GALNT13: variants seen among roughly 807,000 people sequenced by gnomAD.
GALNT13 encodes UDP-GalNAc:polypeptide N-acetylgalactosaminyltransferase 13.
A neutral mutation model predicts 64.2 loss-of-function variants in GALNT13; 28 were observed. That is an observed-to-expected ratio of 0.44 (90% CI 0.32 to 0.60). The LOEUF is 0.60. Ranked by LOEUF, GALNT13 falls within the 20% of genes least tolerant of loss-of-function variation. GALNT13 has a pLI of 0.05. For synonymous variants in GALNT13, 214 were observed against 224.6 expected (o/e 0.95, Z 0.42); for missense variants, 577 against 669.8 (o/e 0.86, Z 1.53).
At chr2:153,203,897 A>G in the GALNT13 span, among the ~76,000 whole-genome samples, 2 of 152,224 alleles carry the variant, frequency 1.3e-5, no homozygotes, top group Non-Finnish European at 2.9e-5. Context: ...ACACACGCAT[A>G]CACTAAATAT....
At chr2:153,147,175 C>G in the GALNT13 span, among the ~76,000 whole-genome samples, 1 of 151,522 alleles carries the variant, frequency 6.6e-6, no homozygotes, top group Non-Finnish European at 1.5e-5. Context: ...AGAGTTGATA[C>G]ATTATATGGG....
chr2:153,696,935 A>C, the GALNT13 span, among the ~76,000 whole-genome samples: 2 of 152,224 alleles, frequency 1.3e-5, no homozygotes, highest in African/African-American at 2.4e-5. Flanking sequence ...ACATTTTGCC[A>C]AGAAAATACA....
At chr2:153,913,867 G>A (rs1010739226) in intron 2 of GALNT13, among the ~76,000 whole-genome samples, 1 of 152,096 alleles carries the variant, frequency 6.6e-6, no homozygotes, top group African/African-American at 2.4e-5. Flanking sequence ...TGATGTTCTG[G>A]TCCCTTGGAG....
At chr2:153,265,440 C>G in the GALNT13 span, among the ~76,000 whole-genome samples, 26 of 152,304 alleles carry the variant, frequency 1.7e-4, no homozygotes, top group Non-Finnish European at 3.5e-4. Flanking sequence ...TTGCTTTCTA[C>G]TGTGACAGGG....
chr2:153,070,597 C>A, the GALNT13 span, among the ~76,000 whole-genome samples: 3 of 152,028 alleles, frequency 2.0e-5, no homozygotes, highest in Non-Finnish European at 4.4e-5. Flanking sequence ...TATACTTTCT[C>A]CTCGATTTTT....
intron 3 of GALNT13, among the ~76,000 whole-genome samples, chr2:154,029,685 A>G (rs1352287727): frequency 6.6e-6 from 1 of 152,194 alleles, no homozygotes; most frequent in Non-Finnish European, 1.5e-5. Flanking sequence ...CAAGAAAAAA[A>G]TGGGCACACT....
At chr2:154,020,642 T>C (rs75568855) in intron 3 of GALNT13, among the ~76,000 whole-genome samples, 48,423 of 150,254 alleles carry the variant, frequency 0.32, 7,935 homozygotes, top group Middle Eastern at 0.46. Context: ...TTCTCCCATT[T>C]TGTAGGTTGC....
At chr2:153,882,469 C>G (rs560343587) in intron 1 of GALNT13, among the ~76,000 whole-genome samples, 17 of 152,186 alleles carry the variant, frequency 1.1e-4, no homozygotes, top group African/African-American at 3.9e-4. Flanking sequence ...GCAAGGGCAA[C>G]TAAGGATGGG....
intron 2 of GALNT13, among the ~76,000 whole-genome samples, chr2:153,933,721 T>G (rs1172102935): frequency 6.6e-6 from 1 of 152,160 alleles, no homozygotes; most frequent in Non-Finnish European, 1.5e-5. Flanking sequence ...TTGTTTGTTT[T>G]TTTGGTGGCC....
At chr2:153,680,512 A>C in the GALNT13 span, among the ~76,000 whole-genome samples, 1 of 151,922 alleles carries the variant, frequency 6.6e-6, no homozygotes, top group Non-Finnish European at 1.5e-5. Context: ...GTGATAAGAT[A>C]CAGAAATTAT....
At position 154,082,527 on chromosome 2, in the gene GALNT13, G is replaced by GT. The variant is rs199664315; in HGVS notation, c.143-57809dup. 3.6e-3 allele frequency among the ~76,000 whole-genome samples: 551 copies of GT among 151,790 alleles called. 4 individuals carry two copies. The highest frequency in any genetic ancestry group is 0.013 in the African/African-American group (521 of 41,494). Reference sequence around the variant, plus strand: ...TCTATTGTGATGAATATTATGAAATGTAACTGTTTCTTCACTGAAAGGAAC... The same window carrying GT: ...TCTATTGTGATGAATATTATGAAATGTTAACTGTTTCTTCACTGAAAGGAAC... On this transcript the variant is annotated intron_variant, in intron 3 of 12. Coordinates refer to ENST00000392825, the MANE Select transcript of GALNT13 (RefSeq NM_052917.4).
the GALNT13 span, among the ~76,000 whole-genome samples, chr2:153,327,534 C>T: frequency 6.6e-6 from 1 of 151,734 alleles, no homozygotes; most frequent in African/African-American, 2.4e-5. Context: ...CACTTTATTT[C>T]ATAAAGTTGA....
intron 3 of GALNT13, among the ~76,000 whole-genome samples, chr2:154,014,380 G>A (rs7569829): frequency 0.76 from 115,434 of 151,570 alleles, 44,361 homozygotes; most frequent in East Asian, 0.96. Context: ...CCCTTCCCCA[G>A]TATTCACTGG....
chr2:154,146,907 C>T (rs1319798841), intron 4 of GALNT13, among the ~76,000 whole-genome samples: 1 of 152,066 alleles, frequency 6.6e-6, no homozygotes, highest in Non-Finnish European at 1.5e-5. Flanking sequence ...AGTGTCACTA[C>T]TTGTTTGGGT....
Position 154,179,472 on chromosome 2 carries a change from C to T in GALNT13, c.311+38967C>T, listed in dbSNP as rs72869224. 6.7e-3 allele frequency among the ~76,000 whole-genome samples: 1,015 copies of T among 152,158 alleles called. 5 individuals are homozygous for T. Among genetic ancestry groups the T allele is most frequent in the Middle Eastern group, 0.027 (8 of 294 alleles). On this transcript the variant is annotated intron_variant, in intron 4 of 12. Coordinates refer to ENST00000392825, the MANE Select transcript of GALNT13 (RefSeq NM_052917.4). ...TTAACTTCCTGTTGATTCTCTCATA[C>T]TCATTTTAAAATTAAAAGTATATAC...
chr2:153,148,349 T>C, the GALNT13 span, among the ~76,000 whole-genome samples: 3 of 151,976 alleles, frequency 2.0e-5, no homozygotes, highest in African/African-American at 7.2e-5. Flanking sequence ...AATATCAGTT[T>C]CCTAGTTAGG....
At chr2:154,298,118 T>G (rs1693038635) in intron 8 of GALNT13, among the ~76,000 whole-genome samples, 1 of 151,716 alleles carries the variant, frequency 6.6e-6, no homozygotes, top group Admixed American at 6.6e-5. Context: ...ATGAAATGTA[T>G]AAAGAGAGAT....
intron 3 of GALNT13, among the ~76,000 whole-genome samples, chr2:154,054,533 T>C (rs1399222153): frequency 6.6e-6 from 1 of 152,032 alleles, no homozygotes; most frequent in Non-Finnish European, 1.5e-5. Context: ...CTAAGTTAAA[T>C]AGGAAAATGA....
intron 9 of GALNT13, among the ~76,000 whole-genome samples, chr2:154,345,100 C>G (rs1236246109): frequency 6.6e-6 from 1 of 151,986 alleles, no homozygotes; most frequent in East Asian, 1.9e-4. Context: ...TTCTTAGGAG[C>G]AGCTTTTGTA....
Sources: gnomAD v4.1 joint callset for allele counts (sites outside exome capture counted in the v4.1 genomes callset) on GRCh38, gnomAD v4.1.1 for gene constraint, MANE v1.5 for transcripts, NCBI Gene and HGNC (gene_info 2026-07-23, HGNC 2026-07-21) for gene names.